Variants in ASS1 observed in about 807,000 individuals in gnomAD.
ASS1 encodes argininosuccinate synthase 1, also known as argininosuccinate synthase.
Under a neutral mutation model 60.5 loss-of-function variants are expected in ASS1, and 58 were observed. The observed-to-expected ratio is 0.96, with a 90% CI of 0.78 to 1.19. The LOEUF (loss-of-function observed/expected upper bound fraction) is 1.19, where lower values mean the gene tolerates loss of function less well. Among genes scored for constraint, ASS1 ranks in the 50% most tolerant of loss-of-function variants. The probability of loss-of-function intolerance (pLI) is 0.00; values close to 1 mark genes in which losing one functional copy is unlikely to be tolerated. For synonymous variants in ASS1, 200 were observed against 206.9 expected, an observed-to-expected ratio of 0.97 and a Z score of 0.29; for missense variants, 454 against 547.3, an observed-to-expected ratio of 0.83 and a Z score of 1.70.
At chr9:130,467,647 A>G (rs1412420156) in intron 6 of ASS1, among the ~76,000 whole-genome samples, 1 of 152,138 alleles carries the variant, frequency 6.6e-6, no homozygotes, top group Non-Finnish European at 1.5e-5. Context: ...TTTTATTATT[A>G]AGAGGGGAGT....
intron 5 of ASS1, among the ~76,000 whole-genome samples, chr9:130,466,198 G>T (rs974405387): frequency 3.3e-5 from 5 of 152,220 alleles, no homozygotes; most frequent in Admixed American, 2.6e-4. Flanking sequence ...AGCTCAGGCC[G>T]AGGGGCTCAA....
intron 8 of ASS1, among the ~76,000 whole-genome samples, chr9:130,473,999 CT>C (rs1223556463): frequency 8.1e-6 from 1 of 124,148 alleles, no homozygotes. Flanking sequence ...CTTTCGCCCT[CT>C]CCCCCTAGCC....
At position 130,459,922 on chromosome 9, in the gene ASS1, C is replaced by T. The variant is rs1421217967; in HGVS notation, c.363+1333C>T. Among the ~76,000 whole-genome samples the T allele has an allele frequency of 6.6e-6, 1 of 152,260 alleles. No individual in the cohort carries two copies. Among genetic ancestry groups the T allele is most frequent in the Non-Finnish European group, 1.5e-5 (1 of 68,052 alleles). On this transcript the variant is annotated intron_variant, in intron 4 of 14. Transcript: ENST00000352480. The surrounding 1 kb of genome is among the most constrained non-coding windows in gnomAD (Gnocchi z 4.6). ...AAGACAGGAAGCCCCCTGCCTGCTG[C>T]TCTTCGGAAGGCAGTCCTTGAGAAA... is the stretch of plus-strand genomic sequence containing the variant.
chr9:130,466,617 T>C, intron 5 of ASS1, 108 bp from the exon 6 acceptor site: 3 of 1,034,656 alleles, frequency 2.9e-6, no homozygotes, highest in Non-Finnish European at 4.5e-6. Flanking sequence ...GGGGACATGC[T>C]GGAGACCCCC....
rs1221174248 is a variant in ASS1, at chr9:130,458,490, C to T, written c.264C>T (p.Leu88=). 6.2e-7 allele frequency: 1 copy of T among 1,612,742 alleles called. No homozygotes were observed. Among genetic ancestry groups the T allele is most frequent in the South Asian group, 1.1e-5 (1 of 91,024 alleles). The change falls in exon 4 of 15, where the codon CTC becomes CTT. Residue 88 remains leucine, a synonymous_variant. Transcript: ENST00000352480. Reference sequence around the variant, plus strand: ...GCGCACTGTATGAGGACCGCTACCTCCTGGGCACCTCTCTTGCCAGGCCCT... The same window carrying T: ...GCGCACTGTATGAGGACCGCTACCTTCTGGGCACCTCTCTTGCCAGGCCCT... ...QSSALYEDRY[L]LGTSLARPCI...
chr9:130,484,798 C>T (rs10114733), intron 11 of ASS1, among the ~76,000 whole-genome samples: 172 of 96,370 alleles, frequency 1.8e-3, no homozygotes, highest in African/African-American at 6.1e-3. Flanking sequence ...GAGCTTTAAA[C>T]GCACACACAC....
intron 11 of ASS1, among the ~76,000 whole-genome samples, chr9:130,485,508 T>G (rs1158935788): frequency 6.6e-6 from 1 of 152,094 alleles, no homozygotes; most frequent in African/African-American, 2.4e-5. Context: ...AAATGTAGTT[T>G]GGACTGCCCT....
chr9:130,457,035 A>G (rs1037290620), intron 3 of ASS1, among the ~76,000 whole-genome samples: 3 of 152,386 alleles, frequency 2.0e-5, no homozygotes, highest in South Asian at 4.1e-4. Context: ...TCATGTTAAC[A>G]TAAGTAACAT....
At chr9:130,473,993 C>T (rs74783380) in intron 8 of ASS1, among the ~76,000 whole-genome samples, 23,375 of 140,770 alleles carry the variant, frequency 0.17, 2,846 homozygotes, top group Non-Finnish European at 0.25. Flanking sequence ...TGCTTTCTTT[C>T]GCCCTCTCCC....
intron 11 of ASS1, among the ~76,000 whole-genome samples, chr9:130,482,445 C>A (rs893270351): frequency 6.6e-6 from 1 of 151,740 alleles, no homozygotes; most frequent in African/African-American, 2.4e-5. Flanking sequence ...ATCCTGTTGA[C>A]TCCAGAGGTA....
Position 130,477,022 on chromosome 9 carries a change from C to A in ASS1, c.688+61C>A. ...ACTTTTGGGGCCCTGGCTCCTTTCC[C>A]CTCCCTGCCTGGGAACCTAGGCCCT... On this transcript the variant is annotated intron_variant, in intron 9 of 14. Coordinates refer to ENST00000352480, the MANE Select transcript of ASS1 (RefSeq NM_054012.4). The surrounding 1 kb of genome is among the most constrained non-coding windows in gnomAD (Gnocchi z 4.2). 6.5e-7 allele frequency: 1 copy of A among 1,530,832 alleles called. No homozygotes were observed. Among genetic ancestry groups the A allele is most frequent in the Non-Finnish European group, 9.0e-7 (1 of 1,105,572 alleles). The allele number at this position is 1,530,832 out of a possible 1,614,324, so 94.8% of individuals were successfully genotyped here.
intron 5 of ASS1, chr9:130,466,490 A>G: frequency 1.7e-6 from 1 of 594,534 alleles, no homozygotes; most frequent in East Asian, 2.8e-5. Flanking sequence ...TCTCACCCCA[A>G]CACACCACCA....
rs368192467 is a variant in ASS1, at chr9:130,470,890, C to T, written c.552C>T (p.Asn184=). ...TPKNPWSMDE[N]LMHISYEAGI... is the part of the protein sequence containing the mutation. ...AGAACCCGTGGAGCATGGATGAGAA[C>T]CTCATGCACATCAGGTAAATCCCAC... Residue 184 remains asparagine, a synonymous_variant, in exon 7 of 15, where the codon AAC becomes AAT. Transcript: ENST00000352480. The surrounding 1 kb of genome is among the most constrained non-coding windows in gnomAD (Gnocchi z 4.3). 7 of 1,613,922 alleles carry T rather than the reference C, an allele frequency of 4.3e-6. No homozygotes were observed. In the African/African-American group the frequency reaches 9.3e-5, roughly 22 times the overall value.
At chr9:130,467,262 C>T (rs1173668442) in intron 6 of ASS1, among the ~76,000 whole-genome samples, 4 of 152,198 alleles carry the variant, frequency 2.6e-5, no homozygotes, top group Admixed American at 6.5e-5. Context: ...AACAGGTAGG[C>T]GCTCCAAGGG....
At chr9:130,484,744 C>T (rs943392911) in intron 11 of ASS1, among the ~76,000 whole-genome samples, 1 of 151,646 alleles carries the variant, frequency 6.6e-6, no homozygotes, top group Non-Finnish European at 1.5e-5. Context: ...AAGAAACACA[C>T]AGAAATCATC....
Position 130,471,053 on chromosome 9 carries a change from C to A in ASS1, c.566+149C>A, listed in dbSNP as rs956783183. 8 of 888,892 alleles carry A rather than the reference C, an allele frequency of 9.0e-6. No individual in the cohort carries two copies. The East Asian group carries it at 1.8e-4, about 20-fold the overall frequency. 55.1% of individuals were successfully genotyped at this position (888,892 alleles called of 1,614,324 possible). ...GCCTCAGGCAGGACAGAGGTCGAAG[C>A]GCCCGGCTCATGCACTGCCCTCATT... is the stretch of plus-strand genomic sequence containing the variant. On this transcript the variant is annotated intron_variant, in intron 7 of 14. Transcript: ENST00000352480.
At chr9:130,493,380 A>G (rs1403536073) in intron 12 of ASS1, among the ~76,000 whole-genome samples, 2 of 152,138 alleles carry the variant, frequency 1.3e-5, no homozygotes, top group Admixed American at 6.5e-5. Flanking sequence ...ATGTTTTCTC[A>G]CTGTGCAAAT....
chr9:130,499,662 T>G (rs949924606), intron 14 of ASS1, 92 bp downstream of exon 14: 1 of 1,346,358 alleles, frequency 7.4e-7, no homozygotes, highest in Non-Finnish European at 1.0e-6. Flanking sequence ...TAGGCTTTGA[T>G]GCGACCTTGA....
intron 5 of ASS1, among the ~76,000 whole-genome samples, chr9:130,465,772 A>G: frequency 1.3e-5 from 2 of 152,194 alleles, no homozygotes; most frequent in East Asian, 3.9e-4. Context: ...AATGAGCTCT[A>G]ATGATCTGTT....
Sources: gnomAD v4.1 joint callset for allele counts (sites outside exome capture counted in the v4.1 genomes callset) on GRCh38, gnomAD v4.1.1 for gene constraint, Gnocchi (gnomAD v3.1) non-coding constraint, MANE v1.5 for transcripts, NCBI Gene and HGNC (gene_info 2026-07-23, HGNC 2026-07-21) for gene names.